The following MAD1L1 variants were observed in gnomAD, a reference collection of about 807,000 sequenced individuals.
MAD1L1 encodes mitotic spindle assembly checkpoint protein MAD1.
In MAD1L1, 95 loss-of-function variants were observed where a neutral mutation model predicts 96.9. The ratio of observed to expected loss-of-function variants is 0.98; its 90% confidence interval spans 0.83 to 1.16. The LOEUF is 1.16. MAD1L1 is among the 50% of genes most tolerant of loss of function. The probability of loss-of-function intolerance (pLI) is 0.00; values close to 1 mark genes in which losing one functional copy is unlikely to be tolerated. For synonymous variants in MAD1L1, 473 were observed against 396.6 expected, an observed-to-expected ratio of 1.19 and a Z score of -2.29; for missense variants, 1,007 against 954.4, an observed-to-expected ratio of 1.06 and a Z score of -0.73.
chr7:2,064,252 G>T (rs1001818879), intron 12 of MAD1L1, among the ~76,000 whole-genome samples: 3 of 152,080 alleles, frequency 2.0e-5, no homozygotes, highest in Admixed American at 2.0e-4. Context: ...ATATCCAGGC[G>T]GGCCCTCCAC....
At chr7:2,180,037 G>T (rs1791126369) in intron 10 of MAD1L1, among the ~76,000 whole-genome samples, 1 of 152,018 alleles carries the variant, frequency 6.6e-6, no homozygotes, top group Non-Finnish European at 1.5e-5. Context: ...ATCTCTCCCA[G>T]GGCAAAAACT....
intron 11 of MAD1L1, among the ~76,000 whole-genome samples, chr7:2,074,246 G>A (rs535939736): frequency 3.3e-5 from 5 of 152,270 alleles, no homozygotes; most frequent in South Asian, 2.1e-4. Flanking sequence ...AAGAAGCCAC[G>A]CGTGTGGCAT....
intron 10 of MAD1L1, among the ~76,000 whole-genome samples, chr7:2,154,801 A>T (rs767849701): frequency 6.6e-5 from 10 of 152,184 alleles, no homozygotes; most frequent in Non-Finnish European, 1.2e-4. Flanking sequence ...CTGAGGCCAC[A>T]AAGGAGGTCC....
At chr7:2,197,142 G>A (rs1792032339) in intron 10 of MAD1L1, among the ~76,000 whole-genome samples, 2 of 152,192 alleles carry the variant, frequency 1.3e-5, no homozygotes, top group Non-Finnish European at 1.5e-5. Context: ...CACATCCCAG[G>A]AGAACTGTGG....
intron 18 of MAD1L1, among the ~76,000 whole-genome samples, chr7:1,886,884 T>G (rs1005499134): frequency 5.9e-5 from 9 of 152,170 alleles, no homozygotes; most frequent in African/African-American, 1.7e-4. Flanking sequence ...CTGGGGACAG[T>G]TGGGGTGTGC....
chr7:2,080,921 C>T (rs1166330209), intron 11 of MAD1L1, among the ~76,000 whole-genome samples: 1 of 152,200 alleles, frequency 6.6e-6, no homozygotes, highest in Non-Finnish European at 1.5e-5. Context: ...ACCGCCGGGA[C>T]GTGGCCTGCA....
Position 2,219,343 on chromosome 7 carries a change from G to A in MAD1L1, c.585C>T (p.Asp195=), listed in dbSNP as rs181874092. Residue 195 remains aspartate, a synonymous_variant, in exon 6 of 19, where the codon GAC becomes GAT. Transcript: ENST00000265854. ...SEKQELQEQL[D]LQHKKCQEAN... is the part of the protein sequence containing the mutation. ...CTGGCCCCGCCCACTTGTGTTGCAG[G>A]TCCAGCTGCTCCTGCAGCTCCTGCT... is the stretch of plus-strand genomic sequence containing the variant. 185 of 1,578,406 alleles carry A rather than the reference G, an allele frequency of 1.2e-4. No homozygotes were observed. The highest frequency in any genetic ancestry group is 1.5e-4 in the Non-Finnish European group (180 of 1,161,486).
chr7:1,878,596 G>A (rs565085047), intron 18 of MAD1L1, among the ~76,000 whole-genome samples: 1 of 150,506 alleles, frequency 6.6e-6, no homozygotes, highest in South Asian at 2.1e-4. Flanking sequence ...GACAAAATTC[G>A]ACTCTTAGCA....
chr7:2,103,499 C>T lies in MAD1L1; in HGVS notation c.1074-34161G>A, dbSNP rs540028227. ...CTCACCCGCCCCCGAGGCCACTGCA[C>T]AGCGGCGGGGCTCTCGACCACCGTG... On this transcript the variant is annotated intron_variant, in intron 11 of 18. Coordinates refer to ENST00000265854, the MANE Select transcript of MAD1L1 (RefSeq NM_001013836.2). This position sits in a 1 kb window ranked among gnomAD's most constrained non-coding sequence, Gnocchi z 4.3. Among the ~76,000 whole-genome samples the T allele has an allele frequency of 1.2e-3, 177 of 152,240 alleles. No individual in the cohort carries two copies. The highest frequency in any genetic ancestry group is 4.1e-3 in the African/African-American group (170 of 41,538).
At chr7:2,033,382 G>A (rs528716326) in intron 12 of MAD1L1, among the ~76,000 whole-genome samples, 2 of 152,228 alleles carry the variant, frequency 1.3e-5, no homozygotes, top group Non-Finnish European at 2.9e-5. Context: ...GGCCCTGAAA[G>A]GCTGTGGGCC....
chr7:2,224,022 T>C (rs573099146), intron 4 of MAD1L1, among the ~76,000 whole-genome samples: 3 of 152,220 alleles, frequency 2.0e-5, no homozygotes, highest in Admixed American at 6.5e-5. Context: ...CATCCTTGGA[T>C]TTCCCCAAGA....
chr7:2,015,682 C>A (rs1011138797), intron 12 of MAD1L1, among the ~76,000 whole-genome samples: 2 of 152,238 alleles, frequency 1.3e-5, no homozygotes, highest in Non-Finnish European at 2.9e-5. Context: ...ATTCCAGGCG[C>A]AGGCTGGCGA....
chr7:2,124,545 C>G (rs1456472557), intron 11 of MAD1L1, among the ~76,000 whole-genome samples: 1 of 152,214 alleles, frequency 6.6e-6, no homozygotes, highest in Non-Finnish European at 1.5e-5. Context: ...CCAACAGAGG[C>G]AGACTGCCCA....
chr7:2,015,824 G>A (rs1257416793), intron 12 of MAD1L1, among the ~76,000 whole-genome samples: 5 of 152,238 alleles, frequency 3.3e-5, no homozygotes, highest in East Asian at 1.9e-4. Flanking sequence ...TGCCCTGGAC[G>A]TAGATTCAGG....
intron 10 of MAD1L1, among the ~76,000 whole-genome samples, chr7:2,204,689 G>T (rs1792499309): frequency 6.6e-6 from 1 of 152,234 alleles, no homozygotes; most frequent in Admixed American, 6.5e-5. Context: ...CCCTTCACCT[G>T]CTGACAGGCA....
At chr7:1,933,570 T>C (rs1789606466) in intron 17 of MAD1L1, among the ~76,000 whole-genome samples, 3 of 152,230 alleles carry the variant, frequency 2.0e-5, no homozygotes. Flanking sequence ...TAGGGCTGCC[T>C]AGCACAGACT....
At chr7:1,973,170 G>A (rs1167977355) in intron 15 of MAD1L1, among the ~76,000 whole-genome samples, 1 of 152,210 alleles carries the variant, frequency 6.6e-6, no homozygotes, top group Non-Finnish European at 1.5e-5. Flanking sequence ...GCGGGCTGAT[G>A]AGGACACTCA....
rs1786519731 is a variant in MAD1L1, at chr7:1,891,231, A to G, written c.1998+6969T>C. 2.0e-5 allele frequency among the ~76,000 whole-genome samples: 3 copies of G among 152,222 alleles called. No homozygotes were observed. The South Asian group carries it at 6.2e-4, about 32-fold the overall frequency. ...TGCTTTAAGCTAAGTGTTATACAAAACAAATTTTAATAGGCTGGGTGCGGT... is the reference window on the plus strand; with the variant it reads ...TGCTTTAAGCTAAGTGTTATACAAAGCAAATTTTAATAGGCTGGGTGCGGT... On this transcript the variant is annotated intron_variant, in intron 18 of 18. Transcript: ENST00000265854.
intron 11 of MAD1L1, among the ~76,000 whole-genome samples, chr7:2,084,932 G>A (rs1051470893): frequency 3.3e-5 from 5 of 152,148 alleles, no homozygotes; most frequent in African/African-American, 1.2e-4. Context: ...TATCATTGCC[G>A]TCATCGTTTC....
Sources: allele counts gnomAD v4.1 joint callset (sites outside exome capture counted in the v4.1 genomes callset), GRCh38; gene constraint gnomAD v4.1.1; non-coding constraint Gnocchi (gnomAD v3.1); transcripts MANE v1.5; gene names NCBI Gene and HGNC (gene_info 2026-07-23, HGNC 2026-07-21).